TAF3: variants seen among roughly 807,000 people sequenced by gnomAD.
TAF3 encodes the protein TATA-box binding protein associated factor 3, also known as transcription initiation factor TFIID subunit 3.
Under a neutral mutation model 80.6 loss-of-function variants are expected in TAF3, and 7 were observed. That is an observed-to-expected ratio of 0.09 (90% CI 0.05 to 0.16). The LOEUF is 0.16. Ranked by LOEUF, TAF3 falls within the 10% of genes least tolerant of loss-of-function variation. The pLI is 1.00. For synonymous variants in TAF3, 444 were observed against 446.1 expected, an observed-to-expected ratio of 1.00 and a Z score of 0.06; for missense variants, 921 against 1,140.2, an observed-to-expected ratio of 0.81 and a Z score of 2.77.
At chr10:7,926,879 A>G (rs1837820787) in intron 2 of TAF3, among the ~76,000 whole-genome samples, 1 of 152,198 alleles carries the variant, frequency 6.6e-6, no homozygotes, top group Non-Finnish European at 1.5e-5. Flanking sequence ...GTAGCATTTT[A>G]GTATTAACAA....
chr10:7,993,373 C>A (rs1333686955), intron 4 of TAF3, among the ~76,000 whole-genome samples: 2 of 152,138 alleles, frequency 1.3e-5, no homozygotes, highest in Non-Finnish European at 2.9e-5. Context: ...GAGATGGGGT[C>A]TTGCTGTGTT....
Position 7,969,169 on chromosome 10 carries a change from A to G in TAF3, c.2232+3427A>G, listed in dbSNP as rs535828905. Reference sequence around the variant, plus strand: ...AAACAAACAAACAAACAAACAAACAAAAACCTATTTTTTAAATTAACTAGG... The same window carrying G: ...AAACAAACAAACAAACAAACAAACAGAAACCTATTTTTTAAATTAACTAGG... On this transcript the variant is annotated intron_variant, in intron 3 of 6. Coordinates refer to ENST00000344293, the MANE Select transcript of TAF3 (RefSeq NM_031923.4). Among the ~76,000 whole-genome samples, 1,133 of 139,240 alleles carry G rather than the reference A, an allele frequency of 8.1e-3. 14 individuals carry two copies. Among genetic ancestry groups the G allele is most frequent in the African/African-American group, 0.027 (1,073 of 39,226 alleles). The allele number at this position is 139,240 out of a possible 152,430, so 91.3% of individuals were successfully genotyped here.
intron 2 of TAF3, among the ~76,000 whole-genome samples, chr10:7,919,135 G>T (rs1297347805): frequency 1.3e-5 from 2 of 152,180 alleles, no homozygotes; most frequent in African/African-American, 2.4e-5. Flanking sequence ...GATTGAGTGC[G>T]ACTAGGGGCC....
intron 4 of TAF3, among the ~76,000 whole-genome samples, chr10:7,984,416 C>T (rs1263159659): frequency 6.6e-6 from 1 of 152,168 alleles, no homozygotes; most frequent in Admixed American, 6.5e-5. Context: ...TACAGCAGTT[C>T]TTACATAGAT....
chr10:7,889,237 T>A (rs1837437629), intron 2 of TAF3, among the ~76,000 whole-genome samples: 1 of 152,120 alleles, frequency 6.6e-6, no homozygotes, highest in African/African-American at 2.4e-5. Flanking sequence ...ATTGCTAGGG[T>A]TTTGTCTTTG....
At chr10:7,989,932 C>T (rs1255355646) in intron 4 of TAF3, among the ~76,000 whole-genome samples, 3 of 152,064 alleles carry the variant, frequency 2.0e-5, no homozygotes, top group Non-Finnish European at 4.4e-5. Flanking sequence ...TAACTTTGTA[C>T]ATGCATCTTG....
intron 4 of TAF3, among the ~76,000 whole-genome samples, chr10:8,002,535 G>A (rs1831954211): frequency 6.6e-6 from 1 of 152,104 alleles, no homozygotes. Flanking sequence ...GTTCCTTTGA[G>A]GAACTACTGA....
chr10:7,892,201 CTT>C (rs1471289949), intron 2 of TAF3, among the ~76,000 whole-genome samples: 1 of 152,110 alleles, frequency 6.6e-6, no homozygotes, highest in Admixed American at 6.6e-5. Context: ...TTTCTATGCT[CTT>C]TTGTCTATTT....
At chr10:7,958,333 A>G (rs989793850) in intron 2 of TAF3, among the ~76,000 whole-genome samples, 4 of 152,296 alleles carry the variant, frequency 2.6e-5, no homozygotes, top group Non-Finnish European at 4.4e-5. Flanking sequence ...AAAAATTCTA[A>G]TATTTTTAAA....
intron 4 of TAF3, among the ~76,000 whole-genome samples, chr10:7,986,785 C>A (rs1446328183): frequency 6.6e-6 from 1 of 152,086 alleles, no homozygotes; most frequent in Non-Finnish European, 1.5e-5. Context: ...AGCAAAGATA[C>A]CTTCAGCTAA....
chr10:7,869,079 A>G (rs1459268509), intron 2 of TAF3, among the ~76,000 whole-genome samples: 1 of 152,236 alleles, frequency 6.6e-6, no homozygotes, highest in Non-Finnish European at 1.5e-5. Context: ...TTTGCTTGTT[A>G]ATCTAAAGAT....
intron 2 of TAF3, among the ~76,000 whole-genome samples, chr10:7,947,683 C>A (rs1055889134): frequency 1.3e-5 from 2 of 152,170 alleles, no homozygotes; most frequent in African/African-American, 4.8e-5. Flanking sequence ...AAGATGCCAG[C>A]ATGGCTTGAT....
chr10:7,872,857 A>G (rs866251148), intron 2 of TAF3, among the ~76,000 whole-genome samples: 2 of 152,346 alleles, frequency 1.3e-5, no homozygotes, highest in Admixed American at 1.3e-4. Flanking sequence ...GTTATATAAA[A>G]TAACATTAAA....
intron 2 of TAF3, among the ~76,000 whole-genome samples, chr10:7,950,888 G>A (rs1287822581): frequency 6.6e-6 from 1 of 152,218 alleles, no homozygotes; most frequent in Admixed American, 6.5e-5. Flanking sequence ...CTGAAGTCCT[G>A]TCTAGTGGTC....
intron 2 of TAF3, among the ~76,000 whole-genome samples, chr10:7,873,951 C>T (rs1837292087): frequency 6.6e-6 from 1 of 152,120 alleles, no homozygotes; most frequent in Non-Finnish European, 1.5e-5. Flanking sequence ...TGTGTTTCCC[C>T]TCGAGAGGCC....
chr10:8,003,036 C>T (rs1831958725), intron 4 of TAF3, among the ~76,000 whole-genome samples: 1 of 152,070 alleles, frequency 6.6e-6, no homozygotes, highest in East Asian at 1.9e-4. Flanking sequence ...CACTTTCAGC[C>T]CTTCTATTGC....
chr10:7,983,193 C>G (rs890206757), intron 4 of TAF3, among the ~76,000 whole-genome samples: 1 of 152,180 alleles, frequency 6.6e-6, no homozygotes, highest in African/African-American at 2.4e-5. Context: ...GGCGAAGCCC[C>G]GCTTCCCGGG....
intron 2 of TAF3, among the ~76,000 whole-genome samples, chr10:7,829,795 C>T (rs11255389): frequency 0.14 from 21,874 of 152,154 alleles, 1,828 homozygotes; most frequent in South Asian, 0.26. Flanking sequence ...GTGCGTAGCC[C>T]GCCCTTAAGG....
chr10:7,946,590 G>T (rs1006890750), intron 2 of TAF3, among the ~76,000 whole-genome samples: 2 of 152,194 alleles, frequency 1.3e-5, no homozygotes, highest in Non-Finnish European at 2.9e-5. Context: ...AGGCGTAGTA[G>T]CACATGTCCT....
Sources: gnomAD v4.1 joint callset for allele counts (sites outside exome capture counted in the v4.1 genomes callset) on GRCh38, gnomAD v4.1.1 for gene constraint, MANE v1.5 for transcripts, NCBI Gene and HGNC (gene_info 2026-07-23, HGNC 2026-07-21) for gene names.